Variants in GPATCH8 observed in about 807,000 individuals in gnomAD.
GPATCH8 encodes the protein G patch domain-containing protein 8.
Under a neutral mutation model 118.3 loss-of-function variants are expected in GPATCH8, and 18 were observed. The ratio of observed to expected loss-of-function variants is 0.15; its 90% CI spans 0.11 to 0.23. GPATCH8 has a LOEUF of 0.23. Among genes scored for constraint, GPATCH8 ranks in the 10% least tolerant of loss-of-function variants. GPATCH8 has a pLI of 1.00. For synonymous variants in GPATCH8, 659 were observed against 684.7 expected (o/e 0.96, Z 0.59); for missense variants, 1,631 against 1,873.8 (o/e 0.87, Z 2.39).
Position 44,503,357 on chromosome 17 carries a change from A to G in GPATCH8, c.14T>C (p.Phe5Ser). The change falls in exon 1 of 8, where the codon TTC (phenylalanine) becomes TCC (serine). Residue 5 changes from phenylalanine to serine, a missense_variant. This residue lies in a region of GPATCH8 where 28 missense variants were observed against 33.9 expected (regional missense o/e 0.83). Transcript: ENST00000591680. ...GTCTCGGTCTTCGTTGAAGCGGGAG[A>G]AGCGGTCCGCCATTTTGCCGCCTTC... is the stretch of plus-strand genomic sequence containing the variant. Reference protein sequence around the residue: MADRFSRFNEDRDFQ... With the variant: MADRSSRFNEDRDFQ... The G allele has an allele frequency of 1.9e-6, 3 of 1,609,626 alleles. No homozygotes were observed. Among genetic ancestry groups the G allele is most frequent in the South Asian group, 1.1e-5 (1 of 89,972 alleles).
intron 6 of GPATCH8, among the ~76,000 whole-genome samples, chr17:44,413,886 C>T (rs1213792334): frequency 6.6e-6 from 1 of 151,648 alleles, no homozygotes; most frequent in Admixed American, 6.6e-5. Flanking sequence ...TCCCAAAATG[C>T]TGGGATTATA....
rs575800565 is a variant in GPATCH8, at chr17:44,412,801, A to C, written c.493-6750T>G. Among the ~76,000 whole-genome samples the C allele has an allele frequency of 2.0e-5, 3 of 152,288 alleles. No homozygotes were observed. In the East Asian group the frequency reaches 5.8e-4, roughly 29 times the overall value. On this transcript the variant is annotated intron_variant, in intron 6 of 7. Coordinates refer to ENST00000591680, the MANE Select transcript of GPATCH8 (RefSeq NM_001002909.4). Reference sequence around the variant, plus strand: ...CACTCCTTTTCCTCTTATGTCAATGATCCTGCATACCAAAATCACAGCCTC... The same window carrying C: ...CACTCCTTTTCCTCTTATGTCAATGCTCCTGCATACCAAAATCACAGCCTC...
chr17:44,429,309 T>G (rs2050206528), intron 5 of GPATCH8, among the ~76,000 whole-genome samples: 1 of 152,134 alleles, frequency 6.6e-6, no homozygotes, highest in South Asian at 2.1e-4. Flanking sequence ...AGCTGCAGAA[T>G]TTTAAGGTAA....
chr17:44,424,790 T>A (rs529824587), intron 5 of GPATCH8, among the ~76,000 whole-genome samples: 6 of 152,314 alleles, frequency 3.9e-5, no homozygotes, highest in Non-Finnish European at 8.8e-5. Context: ...ACACCTTTGG[T>A]CTCAAGCATT....
rs7502750 is a variant in GPATCH8 at position 44,502,750 on chromosome 17, T to C, written c.45+576A>G. On this transcript the variant is annotated intron_variant, in intron 1 of 7. Transcript: ENST00000591680. ...TTAACAGCCTAATAACAGCAACACT[T>C]ATGCCCCGCGAAATCTCAATGTATG... Among the ~76,000 whole-genome samples the C allele has an allele frequency of 2.8e-3, 431 of 152,260 alleles. 3 individuals carry two copies. Among genetic ancestry groups the C allele is most frequent in the African/African-American group, 9.7e-3 (405 of 41,542 alleles).
intron 3 of GPATCH8, among the ~76,000 whole-genome samples, chr17:44,440,078 G>A (rs1056780605): frequency 1.9e-4 from 29 of 151,984 alleles, no homozygotes; most frequent in African/African-American, 6.8e-4. Flanking sequence ...CACCTCGCCC[G>A]GCCTCAACTT....
intron 1 of GPATCH8, among the ~76,000 whole-genome samples, chr17:44,497,031 T>C (rs546433264): frequency 1.1e-4 from 17 of 152,322 alleles, no homozygotes; most frequent in Middle Eastern, 3.4e-3. Flanking sequence ...CTTTGGTAAT[T>C]ACCATGAATC....
intron 3 of GPATCH8, chr17:44,438,730 T>C (rs9303361): frequency 0.91 from 138,169 of 152,536 alleles, 62,797 homozygotes; most frequent in African/African-American, 0.98. Context: ...AAAAAAGAAA[T>C]ACCATTTGTT....
intron 2 of GPATCH8, among the ~76,000 whole-genome samples, chr17:44,470,027 T>C (rs958472178): frequency 6.6e-6 from 1 of 152,196 alleles, no homozygotes; most frequent in African/African-American, 2.4e-5. Context: ...ACACTACATT[T>C]TTAAACCTAT....
chr17:44,479,837 C>A (rs1224289673), intron 1 of GPATCH8, among the ~76,000 whole-genome samples: 1 of 151,736 alleles, frequency 6.6e-6, no homozygotes, highest in East Asian at 1.9e-4. Flanking sequence ...CATGGTGGTG[C>A]GTGCCTGTAA....
intron 5 of GPATCH8, among the ~76,000 whole-genome samples, chr17:44,429,492 G>T (rs1327116115): frequency 6.6e-6 from 1 of 152,018 alleles, no homozygotes; most frequent in Non-Finnish European, 1.5e-5. Flanking sequence ...CAAGAAAACT[G>T]ATTCCACTTA....
In GPATCH8 at chr17:44,453,530, T is replaced by TGTGTGTGTGTGTGTGCGC. The variant is rs1052518435; in HGVS notation, c.193+10941_193+10942insGCGCACACACACACACAC. Among the ~76,000 whole-genome samples the TGTGTGTGTGTGTGTGCGC allele has an allele frequency of 1.4e-4, 21 of 150,562 alleles. 1 individual carries two copies. The highest frequency in any genetic ancestry group is 5.1e-4 in the African/African-American group (21 of 40,790). ...GTGTGTGTGTGTGTGTGTGTGTGTGTGCAGGCGCGCGTTTTGAGACATGCT... is the reference window on the plus strand; with the variant it reads ...GTGTGTGTGTGTGTGTGTGTGTGTGTGTGTGTGTGTGTGTGCGCGCAGGCGCGCGTTTTGAGACATGCT... On this transcript the variant is annotated intron_variant, in intron 3 of 7. Transcript: ENST00000591680.
intron 3 of GPATCH8, among the ~76,000 whole-genome samples, chr17:44,454,188 G>A (rs758444043): frequency 2.0e-5 from 3 of 152,172 alleles, no homozygotes; most frequent in Non-Finnish European, 4.4e-5. Context: ...CTGTTGCCCA[G>A]GTTGGAGTGC....
At chr17:44,405,796 G>A (rs553835398) in intron 7 of GPATCH8, 125 bp downstream of exon 7, 14 of 755,852 alleles carry the variant, frequency 1.9e-5, no homozygotes, top group South Asian at 6.8e-5. Context: ...GAGCCACTGC[G>A]CCTGGCACAA....
At position 44,427,519 on chromosome 17, in the gene GPATCH8, A is replaced by T. The variant is rs567246261; in HGVS notation, c.349-3027T>A. Among the ~76,000 whole-genome samples the T allele has an allele frequency of 6.6e-5, 10 of 152,268 alleles. 1 individual carries two copies. The South Asian group carries it at 1.7e-3, about 25-fold the overall frequency. ...TATTAAAGTATATACATATAACTGT[A>T]ACATATACATATAACTATGTATGTT... On this transcript the variant is annotated intron_variant, in intron 5 of 7. Transcript: ENST00000591680.
At position 44,396,170 on chromosome 17, in the gene GPATCH8, G is replaced by A. The variant is rs1567914383; in HGVS notation, c.*1398C>T. ...ATTAAAAAAAAAATTGTCAGAGGGGGCTAAGTACTAGGAAGGCAAATGGAC... is the reference window on the plus strand; with the variant it reads ...ATTAAAAAAAAAATTGTCAGAGGGGACTAAGTACTAGGAAGGCAAATGGAC... On this transcript the variant is annotated 3_prime_UTR_variant, in exon 8 of 8. Coordinates refer to ENST00000591680, the MANE Select transcript of GPATCH8 (RefSeq NM_001002909.4). 2.2e-6 allele frequency: 1 copy of A among 454,394 alleles called. No individual in the cohort carries two copies. The highest frequency in any genetic ancestry group is 1.6e-5 in the South Asian group (1 of 64,468). 28.1% of individuals were successfully genotyped at this position (454,394 alleles called of 1,614,324 possible).
chr17:44,449,030 C>G (rs2051011845), intron 3 of GPATCH8, among the ~76,000 whole-genome samples: 1 of 152,160 alleles, frequency 6.6e-6, no homozygotes, highest in African/African-American at 2.4e-5. Context: ...AATCCCAGCA[C>G]TTTGGGAGGT....
At position 44,465,754 on chromosome 17, in the gene GPATCH8, A is replaced by G. The variant is rs1240974968; in HGVS notation, c.121-1210T>C. On this transcript the variant is annotated intron_variant, in intron 2 of 7. Coordinates refer to ENST00000591680, the MANE Select transcript of GPATCH8 (RefSeq NM_001002909.4). The stretch of plus-strand genomic sequence containing the variant: ...AATTTATAAAGCTGACGAAACCACA[A>G]ATTTCTGCATTAAAACCAAATATTG... 4 of 152,306 alleles carry G rather than the reference A, an allele frequency of 2.6e-5. No homozygotes were observed. In the East Asian group the frequency reaches 5.8e-4, roughly 22 times the overall value. The allele number at this position is 152,306 out of a possible 1,614,324, so 9.4% of individuals were successfully genotyped here. A position where few individuals can be genotyped will look rare whatever the true frequency, so the allele number is the denominator to read the frequency against.
intron 3 of GPATCH8, among the ~76,000 whole-genome samples, chr17:44,442,232 C>T (rs1169166620): frequency 6.9e-6 from 1 of 145,036 alleles, no homozygotes; most frequent in Admixed American, 6.9e-5. Flanking sequence ...AAAAAAACAC[C>T]ACAACCGCAG....
Sources: gnomAD v4.1 joint callset for allele counts (sites outside exome capture counted in the v4.1 genomes callset) on GRCh38, gnomAD v4.1.1 for gene constraint, gnomAD v4.1.1 regional missense constraint, MANE v1.5 for transcripts, NCBI Gene and HGNC (gene_info 2026-07-23, HGNC 2026-07-21) for gene names.